AKAP3: variants seen among roughly 807,000 people sequenced by gnomAD.
AKAP3 encodes A-kinase anchor protein 3.
In AKAP3, 27 loss-of-function variants were observed where a neutral mutation model predicts 57.2. That is an observed-to-expected ratio of 0.47 (90% CI 0.35 to 0.65). The LOEUF (loss-of-function observed/expected upper bound fraction) is 0.65. Ranked by LOEUF, AKAP3 falls within the 30% of genes least tolerant of loss-of-function variation. AKAP3 has a pLI of 0.01. For synonymous variants in AKAP3, 334 were observed against 392.3 expected (o/e 0.85, Z 1.76); for missense variants, 959 against 1,040.0 (o/e 0.92, Z 1.07).
intron 4 of AKAP3, among the ~76,000 whole-genome samples, chr12:4,636,410 C>A (rs1409611929): frequency 6.6e-6 from 1 of 152,134 alleles, no homozygotes; most frequent in Non-Finnish European, 1.5e-5. Flanking sequence ...TTTTATTTTC[C>A]AAAATGAATG....
rs767204586 is a variant in AKAP3, at chr12:4,615,730, G to A, written c.*9C>T. 4 of 1,611,750 alleles carry A rather than the reference G, an allele frequency of 2.5e-6. No individual in the cohort carries two copies. Among genetic ancestry groups the A allele is most frequent in the Non-Finnish European group, 2.5e-6 (3 of 1,178,292 alleles). ...CTGCCAGAAGAGGGGAAAGCAGTGGGGTTGCCGATTACAGGTTCACCATCA... is the reference window on the plus strand; with the variant it reads ...CTGCCAGAAGAGGGGAAAGCAGTGGAGTTGCCGATTACAGGTTCACCATCA... On this transcript the variant is annotated 3_prime_UTR_variant, in exon 6 of 6. Transcript: ENST00000228850.
At chr12:4,637,842 C>A (rs959874929) in intron 4 of AKAP3, among the ~76,000 whole-genome samples, 2 of 152,006 alleles carry the variant, frequency 1.3e-5, no homozygotes, top group Non-Finnish European at 2.9e-5. Context: ...TTTATATATA[C>A]ATACATGATA....
chr12:4,616,262 CA>C (rs1342102517), intron 5 of AKAP3, among the ~76,000 whole-genome samples: 2 of 152,104 alleles, frequency 1.3e-5, no homozygotes, highest in Non-Finnish European at 2.9e-5. Flanking sequence ...AATGTTAGAG[CA>C]AAAAGGCACC....
intron 5 of AKAP3, among the ~76,000 whole-genome samples, chr12:4,624,809 G>GGTTGTGTGTGTGTGTGTGTGTGTGTGTGT (rs1555126690): frequency 1.1e-5 from 1 of 87,828 alleles, no homozygotes; most frequent in African/African-American, 4.6e-5. Flanking sequence ...AGTAGACAAA[G>GGTTGTGTGTGTGTGTGTGTGTGTGTGTGT]GTGTGTGTGT....
chr12:4,627,404 T>C lies in AKAP3; in HGVS notation c.1498A>G (p.Ile500Val), dbSNP rs574267321. ...SDISFEYPED[I>V]GNLSLPPYPP... ...TATGGAGGAAGGCTGAGGTTGCCAA[T>C]ATCTTCAGGGTACTCAAAGGAAATG... The change falls in exon 5 of 6, where the codon ATT becomes GTT. Residue 500 changes from isoleucine to valine, a missense_variant. Physicochemically the swap from Ile to Val is conservative, Grantham distance 29. Transcript: ENST00000228850. 6.2e-6 allele frequency: 10 copies of C among 1,613,988 alleles called. No individual in the cohort carries two copies. Among genetic ancestry groups the C allele is most frequent in the African/African-American group, 5.3e-5 (4 of 75,028 alleles).
intron 2 of AKAP3, among the ~76,000 whole-genome samples, chr12:4,643,749 G>C (rs534326684): frequency 6.6e-6 from 1 of 152,300 alleles, no homozygotes; most frequent in Admixed American, 6.5e-5. Flanking sequence ...AAAGGCATAA[G>C]CAACATAGGG....
intron 4 of AKAP3, among the ~76,000 whole-genome samples, chr12:4,633,543 A>G (rs943652924): frequency 6.6e-6 from 1 of 152,118 alleles, no homozygotes; most frequent in East Asian, 1.9e-4. Context: ...CTATAACCAA[A>G]CATCCATCTC....
intron 4 of AKAP3, 73 bp downstream of exon 4, chr12:4,638,028 G>A: frequency 1.6e-6 from 2 of 1,247,334 alleles, no homozygotes; most frequent in South Asian, 1.2e-5. Context: ...TGGTATGGTG[G>A]AGAGAATAAG....
At chr12:4,642,518 T>A (rs1047674384) in intron 2 of AKAP3, among the ~76,000 whole-genome samples, 2 of 152,188 alleles carry the variant, frequency 1.3e-5, no homozygotes, top group Non-Finnish European at 1.5e-5. Flanking sequence ...TGGAAGACAT[T>A]AGGGCACTGT....
intron 5 of AKAP3, among the ~76,000 whole-genome samples, chr12:4,623,223 GAAC>G (rs1945366783): frequency 1.3e-5 from 2 of 152,186 alleles, no homozygotes; most frequent in South Asian, 4.1e-4. Flanking sequence ...GCTAAAAACA[GAAC>G]TACTGTTCAA....
rs1945496393 is a variant in AKAP3, at chr12:4,631,419, G to T, written c.97-2614C>A. 4.4e-6 allele frequency: 3 copies of T among 688,980 alleles called. No individual in the cohort carries two copies. The South Asian group carries it at 4.7e-5, about 11-fold the overall frequency. 42.7% of individuals were successfully genotyped at this position (688,980 alleles called of 1,614,324 possible). On this transcript the variant is annotated intron_variant, in intron 4 of 5. Transcript: ENST00000228850. Reference sequence around the variant, plus strand: ...GTTTATGGTTTATTTTTGCCACAAAGTGGGGCTGAAAGTTTAGAATTGAAG... The same window carrying T: ...GTTTATGGTTTATTTTTGCCACAAATTGGGGCTGAAAGTTTAGAATTGAAG...
At chr12:4,615,939 T>C (rs1306242645) in intron 5 of AKAP3, 45 bp from the exon 6 acceptor site, 1 of 1,610,858 alleles carries the variant, frequency 6.2e-7, no homozygotes, top group Non-Finnish European at 8.5e-7. Context: ...CAGCATCTCA[T>C]GGCAGGCCAG....
At chr12:4,634,047 C>T (rs1361463845) in intron 4 of AKAP3, among the ~76,000 whole-genome samples, 1 of 151,294 alleles carries the variant, frequency 6.6e-6, no homozygotes, top group Non-Finnish European at 1.5e-5. Context: ...CACTGGTGAC[C>T]CATTTTTCTA....
Position 4,638,110 on chromosome 12 carries a change from G to T in AKAP3, c.87C>A (p.Asp29Glu). 6.2e-7 allele frequency: 1 copy of T among 1,612,606 alleles called. No homozygotes were observed. The highest frequency in any genetic ancestry group is 8.5e-7 in the Non-Finnish European group (1 of 1,178,688). ...AGAGGTTGACCCTTACCATTTTCCA[G>T]TCCTGGGCTTGGTTGTCTCCAGGAG... ...VYSPGDNQAQDWKMDTSTDPV... is the reference protein window; with the variant it reads ...VYSPGDNQAQEWKMDTSTDPV... Residue 29 changes from aspartate (D) to glutamate (E), a missense_variant, in exon 4 of 6, where the codon GAC becomes GAA. Transcript: ENST00000228850.
chr12:4,633,251 C>T (rs1945521429), intron 4 of AKAP3, among the ~76,000 whole-genome samples: 1 of 151,536 alleles, frequency 6.6e-6, no homozygotes, highest in South Asian at 2.1e-4. Context: ...TGGCGAAAAT[C>T]CATCTCTACA....
chr12:4,635,726 A>G (rs1945556814), intron 4 of AKAP3: 2 of 720,582 alleles, frequency 2.8e-6, no homozygotes, highest in South Asian at 1.5e-5. Flanking sequence ...TCTGTAGTAC[A>G]TTGGTGCTAG....
At chr12:4,643,873 A>T (rs1467543350) in intron 2 of AKAP3, among the ~76,000 whole-genome samples, 1 of 152,198 alleles carries the variant, frequency 6.6e-6, no homozygotes, top group African/African-American at 2.4e-5. Context: ...ACTCATGTAA[A>T]AACTCAGATT....
At position 4,627,094 on chromosome 12, in the gene AKAP3, C is replaced by G. The variant is rs1261510287; in HGVS notation, c.1808G>C (p.Ser603Thr). 6.2e-6 allele frequency: 10 copies of G among 1,614,156 alleles called. No individual in the cohort carries two copies. In the East Asian group the frequency reaches 2.2e-4, roughly 36 times the overall value. ...VFFNFIRNLL[S>T]ETIFKRDQSP... ...CTGGTCACGCTTGAAAATGGTCTCACTAAGTAAGTTCCGGATGAAATTAAA... is the reference window on the plus strand; with the variant it reads ...CTGGTCACGCTTGAAAATGGTCTCAGTAAGTAAGTTCCGGATGAAATTAAA... The change falls in exon 5 of 6, where the codon AGT (serine) becomes ACT (threonine). Residue 603 changes from serine (S) to threonine (T), a missense_variant. Transcript: ENST00000228850.
rs774693115 is a variant in AKAP3 at position 4,626,869 on chromosome 12, A to C, written c.2033T>G (p.Met678Arg). ...QMVEHLMNSV[M>R]KLCVIIAKSC... The stretch of plus-strand genomic sequence containing the variant: ...CTTAGCAATGATGACACACAGCTTC[A>C]TCACTGAGTTCATCAGATGTTCTAC... Residue 678 changes from methionine to arginine, a missense_variant, in exon 5 of 6, where the codon ATG becomes AGG. Physicochemically the swap from Met to Arg is moderately conservative, Grantham distance 91. Coordinates refer to ENST00000228850, the MANE Select transcript of AKAP3 (RefSeq NM_001278309.2). The C allele has an allele frequency of 6.2e-7, 1 of 1,612,060 alleles. No individual in the cohort carries two copies. The highest frequency in any genetic ancestry group is 1.1e-5 in the South Asian group (1 of 91,074).
Sources: allele counts gnomAD v4.1 joint callset (sites outside exome capture counted in the v4.1 genomes callset), GRCh38; gene constraint gnomAD v4.1.1; transcripts MANE v1.5; gene names NCBI Gene and HGNC (gene_info 2026-07-23, HGNC 2026-07-21).